DMC1: variants seen among roughly 807,000 people sequenced by gnomAD.
DMC1 encodes the protein DNA meiotic recombinase 1, also known as meiotic recombination protein DMC1 homolog.
DMC1 carries 27 observed loss-of-function variants against 50.1 expected under a neutral mutation model. The observed-to-expected ratio is 0.54, with a 90% CI of 0.40 to 0.74. The LOEUF (loss-of-function observed/expected upper bound fraction) is 0.74. Among genes scored for constraint, DMC1 ranks in the 30% least tolerant of loss-of-function variants. The pLI is 0.00. For synonymous variants in DMC1, 148 were observed against 136.1 expected (o/e 1.09, Z -0.61); for missense variants, 295 against 420.2 (o/e 0.70, Z 2.60).
chr22:38,550,940 AAAAAAAAAAG>A (rs2090398919), intron 7 of DMC1, among the ~76,000 whole-genome samples: 2 of 148,240 alleles, frequency 1.3e-5, no homozygotes, highest in African/African-American at 5.0e-5. Flanking sequence ...CAAAAAAAAA[AAAAAAAAAAG>A]AAAGAAAGAA....
In DMC1 at chr22:38,521,702, G is replaced by GT. The variant is rs1359383682; in HGVS notation, c.858dup (p.Pro287ThrfsTer31). The GT allele has an allele frequency of 1.2e-6, 2 of 1,613,726 alleles. No individual in the cohort carries two copies. Among genetic ancestry groups the GT allele is most frequent in the East Asian group, 2.2e-5 (1 of 44,872 alleles). On this transcript the variant is annotated frameshift_variant, in exon 13 of 14. Transcript: ENST00000216024. LOFTEE classifies it high-confidence loss of function. The stretch of plus-strand genomic sequence containing the variant: ...TGAGCCAGAATGTGTCCCCCAATGG[G>GT]TTTTTTGGGATCTGCCTGAAAGCTG...
In DMC1 at chr22:38,568,279, A is replaced by T; in HGVS notation, c.-23T>A. On this transcript the variant is annotated 5_prime_UTR_variant, in exon 2 of 14. Transcript: ENST00000216024. ...CATATTGAAAAGTGGGCAACAGAAA[A>T]ATAATCACTTCTGGGAAAATAAGAA... The T allele has an allele frequency of 6.2e-7, 1 of 1,612,742 alleles. No individual in the cohort carries two copies. Among genetic ancestry groups the T allele is most frequent in the Non-Finnish European group, 8.5e-7 (1 of 1,178,718 alleles).
intron 12 of DMC1, among the ~76,000 whole-genome samples, chr22:38,530,687 A>T (rs887589719): frequency 6.6e-6 from 1 of 152,192 alleles, no homozygotes; most frequent in Non-Finnish European, 1.5e-5. Context: ...AATCACTTGT[A>T]CAAGGTCACT....
chr22:38,568,133 A>G (rs1602783322), intron 2 of DMC1, 73 bp downstream of exon 2: 4 of 1,301,566 alleles, frequency 3.1e-6, no homozygotes, highest in Non-Finnish European at 4.5e-6. Context: ...TAAAAATAGT[A>G]GCTAACAGGG....
chr22:38,561,618 T>A (rs181965516), intron 5 of DMC1, among the ~76,000 whole-genome samples: 1 of 152,334 alleles, frequency 6.6e-6, no homozygotes, highest in East Asian at 1.9e-4. Context: ...CTGTGAAGTC[T>A]GAGCTATCAA....
intron 7 of DMC1, 149 bp from the exon 8 acceptor site, chr22:38,550,146 T>C: frequency 1.6e-6 from 1 of 639,284 alleles, no homozygotes. Flanking sequence ...CATGTTATAT[T>C]TTCATATTAC....
intron 5 of DMC1, among the ~76,000 whole-genome samples, chr22:38,555,625 A>G (rs2090461594): frequency 6.6e-6 from 1 of 152,118 alleles, no homozygotes; most frequent in Non-Finnish European, 1.5e-5. Context: ...GGGCAAGTGG[A>G]TCAGCAAAAC....
At chr22:38,513,986 A>G (rs1201575223), downstream of DMC1, among the ~76,000 whole-genome samples, 1 of 152,238 alleles carries the variant, frequency 6.6e-6, no homozygotes, top group East Asian at 1.9e-4. Flanking sequence ...TTTGAAAACA[A>G]TAGCAGCACG....
chr22:38,552,920 T>C (rs1213048273), intron 6 of DMC1, among the ~76,000 whole-genome samples: 2 of 151,880 alleles, frequency 1.3e-5, no homozygotes, highest in African/African-American at 4.8e-5. Flanking sequence ...CGATCTCAGC[T>C]CACTGCAACC....
chr22:38,552,914 C>T (rs1488751875), intron 6 of DMC1, among the ~76,000 whole-genome samples: 3 of 151,626 alleles, frequency 2.0e-5, no homozygotes, highest in African/African-American at 7.3e-5. Flanking sequence ...GTGGCACGAT[C>T]TCAGCTCACT....
downstream of DMC1, among the ~76,000 whole-genome samples, chr22:38,516,043 A>G (rs373669475): frequency 1.9e-4 from 29 of 152,214 alleles, no homozygotes; most frequent in Middle Eastern, 3.4e-3. Flanking sequence ...TCAAATGGAG[A>G]GTGGAGGACT....
At chr22:38,526,332 G>C (rs1185463951) in intron 12 of DMC1, among the ~76,000 whole-genome samples, 1 of 151,982 alleles carries the variant, frequency 6.6e-6, no homozygotes, top group African/African-American at 2.4e-5. Flanking sequence ...AGCTTCCTGA[G>C]TAGCTAGTAG....
the DMC1 span, among the ~76,000 whole-genome samples, chr22:38,509,854 C>T: frequency 6.6e-6 from 1 of 151,994 alleles, no homozygotes; most frequent in East Asian, 1.9e-4. Context: ...TTAGTAGAGA[C>T]TGGCTTTTGC....
At chr22:38,517,304 C>T (rs1259733092), downstream of DMC1, among the ~76,000 whole-genome samples, 3 of 152,156 alleles carry the variant, frequency 2.0e-5, no homozygotes, top group African/African-American at 7.2e-5. Flanking sequence ...CGTGGTGGCT[C>T]ACGCCTGTAA....
intron 12 of DMC1, among the ~76,000 whole-genome samples, chr22:38,525,226 T>A (rs2090075170): frequency 6.6e-6 from 1 of 152,178 alleles, no homozygotes; most frequent in African/African-American, 2.4e-5. Context: ...TATTGCAGAA[T>A]GAATACAGAG....
intron 5 of DMC1, among the ~76,000 whole-genome samples, chr22:38,559,250 C>T (rs748572191): frequency 2.6e-5 from 4 of 152,040 alleles, no homozygotes; most frequent in Admixed American, 6.6e-5. Flanking sequence ...AGGCTGGTCT[C>T]GAACTCCTGA....
intron 12 of DMC1, among the ~76,000 whole-genome samples, chr22:38,534,800 G>A (rs1004749673): frequency 9.2e-5 from 14 of 151,486 alleles, no homozygotes; most frequent in Non-Finnish European, 1.6e-4. Flanking sequence ...TCGGGAGTTC[G>A]AGACCAGCCT....
chr22:38,560,508 A>T (rs1240918736), intron 5 of DMC1, among the ~76,000 whole-genome samples: 2 of 143,180 alleles, frequency 1.4e-5, no homozygotes, highest in Admixed American at 6.9e-5. Context: ...TTAGTGAATT[A>T]AAAAAAAAAA....
chr22:38,544,399 A>G (rs2090319288), intron 8 of DMC1, among the ~76,000 whole-genome samples: 1 of 152,158 alleles, frequency 6.6e-6, no homozygotes, highest in Non-Finnish European at 1.5e-5. Context: ...TGTCTCACCT[A>G]TCTGTGACCT....
Sources: gnomAD v4.1 joint callset for allele counts (sites outside exome capture counted in the v4.1 genomes callset) on GRCh38, gnomAD v4.1.1 for gene constraint, MANE v1.5 for transcripts, NCBI Gene and HGNC (gene_info 2026-07-23, HGNC 2026-07-21) for gene names.